Variants in PIGN observed in about 807,000 individuals in gnomAD.
PIGN encodes GPI ethanolamine phosphate transferase 1.
A neutral mutation model predicts 125.4 loss-of-function variants in PIGN; 117 were observed. The observed-to-expected ratio is 0.93, with a 90% CI of 0.80 to 1.09. The LOEUF is 1.09. Among genes scored for constraint, PIGN ranks in the 50% least tolerant of loss-of-function variants. The probability of loss-of-function intolerance (pLI) is 0.00; values close to 1 mark genes in which losing one functional copy is unlikely to be tolerated. For missense variants in PIGN, 1,075 were observed against 1,094.9 expected (o/e 0.98, Z 0.26); for synonymous variants, 392 against 377.8 (o/e 1.04, Z -0.44).
chr18:62,083,126 G>A (rs1346232319), intron 27 of PIGN, among the ~76,000 whole-genome samples: 1 of 151,938 alleles, frequency 6.6e-6, no homozygotes, highest in East Asian at 1.9e-4. Flanking sequence ...CTGATAATTT[G>A]ATTCACAGAT....
Position 62,035,057 on chromosome 18 carries a change from T to C in PIGN, c.2143-17316A>G, listed in dbSNP as rs183179500. On this transcript the variant is annotated intron_variant, in intron 23 of 24. Transcript: ENST00000639600. ...GGTTTCTCCTGTGCTGTTCTCATGA[T>C]AGTGAATAAATCTCATGAGATCTGA... Among the ~76,000 whole-genome samples, 33 of 152,262 alleles carry C rather than the reference T, an allele frequency of 2.2e-4. No individual in the cohort carries two copies. In the East Asian group the frequency reaches 2.9e-3, roughly 13 times the overall value.
chr18:62,021,810 C>T (rs2030057605), intron 23 of PIGN, among the ~76,000 whole-genome samples: 1 of 152,120 alleles, frequency 6.6e-6, no homozygotes, highest in African/African-American at 2.4e-5. Context: ...GCAAGTGGGA[C>T]TATTTGGGGT....
chr18:62,136,243 G>T (rs1223067982), intron 14 of PIGN: 3 of 151,938 alleles, frequency 2.0e-5, no homozygotes, highest in Non-Finnish European at 4.4e-5. Flanking sequence ...ATTATAACTT[G>T]CAAAATCCTA....
chr18:62,125,615 A>C (rs1487584289), intron 14 of PIGN, among the ~76,000 whole-genome samples: 4 of 152,042 alleles, frequency 2.6e-5, no homozygotes, highest in Admixed American at 6.6e-5. Flanking sequence ...TCTCCAAAAG[A>C]GTGATTATAT....
intron 14 of PIGN, among the ~76,000 whole-genome samples, chr18:62,119,982 A>G (rs2035238112): frequency 6.6e-6 from 1 of 152,202 alleles, no homozygotes; most frequent in South Asian, 2.1e-4. Flanking sequence ...CAGGTCTAAT[A>G]TGAATGTAAT....
chr18:62,178,929 C>A (rs2037621164), intron 1 of PIGN, among the ~76,000 whole-genome samples: 1 of 152,088 alleles, frequency 6.6e-6, no homozygotes, highest in African/African-American at 2.4e-5. Flanking sequence ...GAAACTCTAC[C>A]AGGATACCAC....
At chr18:62,032,933 G>A (rs1197611499) in intron 23 of PIGN, among the ~76,000 whole-genome samples, 2 of 152,228 alleles carry the variant, frequency 1.3e-5, no homozygotes, top group East Asian at 3.8e-4. Context: ...TTCAATGTAT[G>A]CATATCAATT....
chr18:62,030,742 A>G (rs1248228768), intron 23 of PIGN, among the ~76,000 whole-genome samples: 2 of 152,202 alleles, frequency 1.3e-5, no homozygotes, highest in African/African-American at 4.8e-5. Flanking sequence ...CACTTTCAAA[A>G]TGAGGAAAAA....
intron 22 of PIGN, among the ~76,000 whole-genome samples, chr18:62,098,024 A>C (rs978565461): frequency 1.3e-5 from 2 of 152,224 alleles, no homozygotes; most frequent in Non-Finnish European, 2.9e-5. Flanking sequence ...ACTATAGGGC[A>C]AGTTCATTAA....
rs1426113318 is a variant in PIGN, at chr18:62,168,858, T to TTC, written c.-235-5203_-235-5202insGA. On this transcript the variant is annotated intron_variant, in intron 1 of 30. Coordinates refer to ENST00000640252, the MANE Select transcript of PIGN (RefSeq NM_176787.5). ...CATTTCCTAGACAACCACTAATTTT[T>TTC]TTTTTTTTTTTTTTTGAGACGGTCT... 1.5e-3 allele frequency among the ~76,000 whole-genome samples: 222 copies of TTC among 150,308 alleles called. 1 individual carries two copies. The highest frequency in any genetic ancestry group is 5.0e-3 in the African/African-American group (206 of 40,998).
chr18:62,052,812 A>G (rs1228696269), intron 30 of PIGN: 3 of 251,346 alleles, frequency 1.2e-5, no homozygotes, highest in Non-Finnish European at 2.3e-5. Context: ...GGTCTTTACA[A>G]TTTGGCATGA....
chr18:62,094,846 T>C (rs938211094), intron 23 of PIGN, among the ~76,000 whole-genome samples: 27 of 152,142 alleles, frequency 1.8e-4, no homozygotes, highest in South Asian at 4.1e-4. Flanking sequence ...TAGACAGCTT[T>C]GGTGAAAAAA....
chr18:62,088,888 T>C (rs1228446296), intron 24 of PIGN, 46 bp from the exon 25 acceptor site: 1 of 1,122,182 alleles, frequency 8.9e-7, no homozygotes, highest in Non-Finnish European at 1.3e-6. Context: ...ACAGTTGGCT[T>C]ATTTCTATAT....
At chr18:62,050,131 C>G (rs1449458622) in intron 30 of PIGN, among the ~76,000 whole-genome samples, 1 of 151,818 alleles carries the variant, frequency 6.6e-6, no homozygotes, top group East Asian at 1.9e-4. Context: ...AGTCAGGTAG[C>G]GTGATGCCTC....
chr18:62,130,539 A>T (rs1030457452), intron 14 of PIGN, among the ~76,000 whole-genome samples: 4 of 87,054 alleles, frequency 4.6e-5, no homozygotes, highest in Non-Finnish European at 8.4e-5. Context: ...TGTTTAAGTT[A>T]AAAAAAAAGA....
At position 62,073,170 on chromosome 18, in the gene PIGN, G is replaced by GGTGTGTGT. The variant is rs34182707; in HGVS notation, c.2620-453_2620-446dup. Among the ~76,000 whole-genome samples, 482 of 145,466 alleles carry GGTGTGTGT rather than the reference G, an allele frequency of 3.3e-3. 5 individuals carry two copies. The highest frequency in any genetic ancestry group is 0.022 in the South Asian group (101 of 4,548). On this transcript the variant is annotated intron_variant, in intron 29 of 30. Coordinates refer to ENST00000640252, the MANE Select transcript of PIGN (RefSeq NM_176787.5). ...TAAATAATTCCATCAAATTATCAGG[G>GGTGTGTGT]GTGTGTGTGTGTGTGTGTGTGTGTG...
At chr18:62,046,872 T>G (rs1028034330) in intron 30 of PIGN, among the ~76,000 whole-genome samples, 2 of 152,140 alleles carry the variant, frequency 1.3e-5, no homozygotes, top group Non-Finnish European at 2.9e-5. Flanking sequence ...TTGGACACTA[T>G]AAACAAACGT....
At chr18:62,157,550 T>C in intron 5 of PIGN, 137 bp downstream of exon 5, 1 of 797,046 alleles carries the variant, frequency 1.3e-6, no homozygotes, top group East Asian at 2.7e-5. Context: ...TGGGTATTCA[T>C]GTCAGCAAAG....
intron 1 of PIGN, among the ~76,000 whole-genome samples, chr18:62,166,705 A>G (rs2037147342): frequency 6.6e-6 from 1 of 152,240 alleles, no homozygotes; most frequent in East Asian, 1.9e-4. Flanking sequence ...TATATACACC[A>G]TGGAATATTA....
Sources: allele counts gnomAD v4.1 joint callset (sites outside exome capture counted in the v4.1 genomes callset), GRCh38; gene constraint gnomAD v4.1.1; transcripts MANE v1.5; gene names NCBI Gene and HGNC (gene_info 2026-07-23, HGNC 2026-07-21).